The following CDKAL1 variants were observed in gnomAD, a reference collection of about 807,000 sequenced individuals.
CDKAL1 encodes CDKAL1 threonylcarbamoyladenosine tRNA methylthiotransferase.
CDKAL1 carries 32 observed loss-of-function variants against 68.2 expected under a neutral mutation model. That is an observed-to-expected ratio of 0.47 (90% CI 0.35 to 0.63). CDKAL1 has a LOEUF of 0.63. Among genes scored for constraint, CDKAL1 ranks in the 30% least tolerant of loss-of-function variants. The probability of loss-of-function intolerance (pLI) is 0.00; values close to 1 mark genes in which losing one functional copy is unlikely to be tolerated. For missense variants in CDKAL1, 606 were observed against 696.7 expected (o/e 0.87, Z 1.47); for synonymous variants, 234 against 244.3 (o/e 0.96, Z 0.39).
intron 8 of CDKAL1, among the ~76,000 whole-genome samples, chr6:20,825,902 C>T (rs1777483766): frequency 6.6e-6 from 1 of 152,110 alleles, no homozygotes; most frequent in Non-Finnish European, 1.5e-5. Context: ...TTTGTATCTC[C>T]TCTCCATTCT....
intron 5 of CDKAL1, among the ~76,000 whole-genome samples, chr6:20,681,859 C>T (rs562585752): frequency 6.6e-6 from 1 of 152,268 alleles, no homozygotes; most frequent in South Asian, 2.1e-4. Flanking sequence ...TACCATAGAG[C>T]AGGTGGGTTA....
intron 13 of CDKAL1, among the ~76,000 whole-genome samples, chr6:21,126,063 A>G (rs1774996168): frequency 6.6e-6 from 1 of 152,246 alleles, no homozygotes; most frequent in Admixed American, 6.5e-5. Context: ...TTTCTCTTAC[A>G]CAGGTGCTCT....
intron 9 of CDKAL1, among the ~76,000 whole-genome samples, chr6:20,856,395 A>G (rs1759340140): frequency 6.6e-6 from 1 of 152,202 alleles, no homozygotes; most frequent in Admixed American, 6.5e-5. Flanking sequence ...GGCAAGAGAT[A>G]TTGCTTAGTT....
At chr6:20,583,550 GAAC>G (rs960044471) in intron 4 of CDKAL1, among the ~76,000 whole-genome samples, 1 of 151,938 alleles carries the variant, frequency 6.6e-6, no homozygotes, top group Non-Finnish European at 1.5e-5. Context: ...ATAATCTACG[GAAC>G]AAAAACATTT....
intron 8 of CDKAL1, among the ~76,000 whole-genome samples, chr6:20,827,142 A>G (rs1211787413): frequency 6.6e-6 from 1 of 152,170 alleles, no homozygotes; most frequent in Non-Finnish European, 1.5e-5. Flanking sequence ...GACAGGTGGT[A>G]TGTGTAATGG....
At chr6:21,141,067 G>A (rs967502339) in intron 13 of CDKAL1, among the ~76,000 whole-genome samples, 5 of 152,060 alleles carry the variant, frequency 3.3e-5, no homozygotes, top group African/African-American at 1.2e-4. Flanking sequence ...ACAACACATG[G>A]GAATTCTGGG....
intron 13 of CDKAL1, among the ~76,000 whole-genome samples, chr6:21,167,167 T>C (rs1271001077): frequency 6.6e-6 from 1 of 152,238 alleles, no homozygotes; most frequent in African/African-American, 2.4e-5. Context: ...GTTTATGGCA[T>C]ATCCTGTAGT....
At chr6:20,906,726 CAAAA>C (rs199789991) in intron 9 of CDKAL1, among the ~76,000 whole-genome samples, 1 of 151,318 alleles carries the variant, frequency 6.6e-6, no homozygotes, top group African/African-American at 2.4e-5. Flanking sequence ...TGTTTCACCA[CAAAA>C]AAAACATCTA....
chr6:21,177,167 C>T (rs1031517379), intron 13 of CDKAL1, among the ~76,000 whole-genome samples: 2 of 152,114 alleles, frequency 1.3e-5, no homozygotes, highest in Non-Finnish European at 2.9e-5. Flanking sequence ...TTTGGGTATT[C>T]TCAGTTAATT....
intron 11 of CDKAL1, among the ~76,000 whole-genome samples, chr6:21,060,395 C>G (rs2150925573): frequency 6.6e-6 from 1 of 152,216 alleles, no homozygotes; most frequent in Non-Finnish European, 1.5e-5. Context: ...ATGTCCCATC[C>G]TTCATGCCTA....
At chr6:20,898,978 G>A (rs1157680655) in intron 9 of CDKAL1, among the ~76,000 whole-genome samples, 2 of 151,720 alleles carry the variant, frequency 1.3e-5, no homozygotes, top group East Asian at 1.9e-4. Flanking sequence ...AGGGGGCTGC[G>A]TGACTTGCTC....
intron 8 of CDKAL1, among the ~76,000 whole-genome samples, chr6:20,820,500 T>A (rs1777233620): frequency 6.6e-6 from 1 of 152,176 alleles, no homozygotes; most frequent in East Asian, 1.9e-4. Context: ...AAATACCAGG[T>A]TGGAATTCTT....
intron 8 of CDKAL1, among the ~76,000 whole-genome samples, chr6:20,833,941 G>A (rs916375178): frequency 1.3e-5 from 2 of 152,124 alleles, no homozygotes; most frequent in Non-Finnish European, 2.9e-5. Context: ...CATTTGAACG[G>A]CAAATTTTTG....
intron 10 of CDKAL1, among the ~76,000 whole-genome samples, chr6:20,984,632 C>A (rs774667366): frequency 4.6e-5 from 7 of 151,932 alleles, no homozygotes; most frequent in Admixed American, 1.3e-4. Context: ...TGGCTCCCAG[C>A]GGGAAGGGGA....
intron 9 of CDKAL1, among the ~76,000 whole-genome samples, chr6:20,868,889 A>G (rs1760046342): frequency 6.6e-6 from 1 of 152,242 alleles, no homozygotes; most frequent in Admixed American, 6.5e-5. Context: ...ACTTGTAATC[A>G]GTGCACATAG....
intron 9 of CDKAL1, among the ~76,000 whole-genome samples, chr6:20,923,970 C>G (rs1348532172): frequency 1.3e-5 from 2 of 151,610 alleles, no homozygotes; most frequent in African/African-American, 4.9e-5. Context: ...TGAGATCACA[C>G]TACTGCACTC....
chr6:20,623,443 G>C (rs764377847), intron 4 of CDKAL1, among the ~76,000 whole-genome samples: 30 of 152,062 alleles, frequency 2.0e-4, no homozygotes, highest in Non-Finnish European at 2.5e-4. Flanking sequence ...AAGTGATTCA[G>C]TGTTTTAAGG....
chr6:20,741,322 T>C (rs774583730), intron 6 of CDKAL1, among the ~76,000 whole-genome samples: 2 of 152,154 alleles, frequency 1.3e-5, no homozygotes, highest in Non-Finnish European at 2.9e-5. Flanking sequence ...ACATTTATTT[T>C]CTTTAAACTT....
At chr6:20,798,658 C>A (rs1459266552) in intron 8 of CDKAL1, among the ~76,000 whole-genome samples, 1 of 149,798 alleles carries the variant, frequency 6.7e-6, no homozygotes, top group Non-Finnish European at 1.5e-5. Context: ...CAAACTATCA[C>A]AAGGACAGAA....
Sources: allele counts gnomAD v4.1 joint callset (sites outside exome capture counted in the v4.1 genomes callset), GRCh38; gene constraint gnomAD v4.1.1; transcripts MANE v1.5; gene names NCBI Gene and HGNC (gene_info 2026-07-23, HGNC 2026-07-21).